Variants in GSK3B observed in about 807,000 individuals in gnomAD.
GSK3B encodes glycogen synthase kinase-3 beta.
Under a neutral mutation model 56.4 loss-of-function variants are expected in GSK3B, and 15 were observed. The observed-to-expected ratio is 0.27, with a 90% CI of 0.18 to 0.41. GSK3B has a LOEUF of 0.41. Among genes scored for constraint, GSK3B ranks in the 10% least tolerant of loss-of-function variants. The pLI is 1.00. For missense variants in GSK3B, 300 were observed against 513.4 expected (o/e 0.58, Z 4.02); for synonymous variants, 181 against 188.9 (o/e 0.96, Z 0.34).
At chr3:119,901,514 G>A (rs1231473743) in intron 7 of GSK3B, among the ~76,000 whole-genome samples, 1 of 152,084 alleles carries the variant, frequency 6.6e-6, no homozygotes, top group African/African-American at 2.4e-5. Flanking sequence ...AACCTTATTA[G>A]AGGGCAGTGA....
intron 1 of GSK3B, among the ~76,000 whole-genome samples, chr3:120,020,089 TATTACAATTTTAA>T (rs2057863077): frequency 6.6e-6 from 1 of 152,232 alleles, no homozygotes; most frequent in Admixed American, 6.5e-5. Flanking sequence ...ATGCCTAAAA[TATTACAATTTTAA>T]CTGTTGCGAA....
intron 2 of GSK3B, among the ~76,000 whole-genome samples, chr3:119,994,520 C>T (rs1043767596): frequency 1.3e-5 from 2 of 151,726 alleles, no homozygotes; most frequent in African/African-American, 2.4e-5. Flanking sequence ...AGAGAAAAAC[C>T]GTAATTCTAC....
chr3:120,014,892 A>G (rs1430512019), intron 1 of GSK3B, among the ~76,000 whole-genome samples: 1 of 152,208 alleles, frequency 6.6e-6, no homozygotes, highest in East Asian at 1.9e-4. Flanking sequence ...AGATGACAGA[A>G]AGACTCCAGA....
chr3:119,925,330 A>C lies in GSK3B; in HGVS notation c.367-1847T>G, dbSNP rs1222513315. On this transcript the variant is annotated intron_variant, in intron 3 of 10. Transcript: ENST00000264235. ...GTGACAGAGCCACACCTTGTCTCAA[A>C]ATCAATTTGTCCAGCAATAATTATA... Among the ~76,000 whole-genome samples the C allele has an allele frequency of 2.6e-5, 4 of 152,154 alleles. No individual in the cohort carries two copies. In the East Asian group the frequency reaches 7.7e-4, roughly 29 times the overall value.
intron 2 of GSK3B, among the ~76,000 whole-genome samples, chr3:119,983,344 CAT>C (rs1317641281): frequency 2.0e-5 from 3 of 152,126 alleles, no homozygotes; most frequent in Non-Finnish European, 4.4e-5. Context: ...GGAACAAATT[CAT>C]ATATAGCAAT....
intron 1 of GSK3B, among the ~76,000 whole-genome samples, chr3:120,021,025 G>A (rs917052814): frequency 4.6e-5 from 7 of 152,258 alleles, no homozygotes; most frequent in South Asian, 2.1e-4. Flanking sequence ...TCTGAAGGCC[G>A]ACAGAAGCCT....
In GSK3B at chr3:120,093,805, A is replaced by G; in HGVS notation, c.-371T>C. 4.5e-6 allele frequency: 1 copy of G among 223,506 alleles called. No homozygotes were observed. Among genetic ancestry groups the G allele is most frequent in the Non-Finnish European group, 8.9e-6 (1 of 112,716 alleles). 13.8% of individuals were successfully genotyped at this position (223,506 alleles called of 1,614,324 possible). On this transcript the variant is annotated 5_prime_UTR_variant, in exon 1 of 11. Transcript: ENST00000264235. Reference sequence around the variant, plus strand: ...TGAAAATGAGTACTTCGAATATTATATTTTCCTCGGGGATTTTTTTTCCGA... The same window carrying G: ...TGAAAATGAGTACTTCGAATATTATGTTTTCCTCGGGGATTTTTTTTCCGA...
rs1187829474 is a variant in GSK3B at position 119,824,298 on chromosome 3, GATCCTTGAGAAAGAAA to G, written c.*2474_*2489del. 1 of 225,104 alleles carries G rather than the reference GATCCTTGAGAAAGAAA, an allele frequency of 4.4e-6. No individual in the cohort carries two copies. The highest frequency in any genetic ancestry group is 2.2e-5 in the African/African-American group (1 of 44,744). 13.9% of individuals were successfully genotyped at this position (225,104 alleles called of 1,614,324 possible). On this transcript the variant is annotated 3_prime_UTR_variant, in exon 11 of 11. Transcript: ENST00000264235. ...TAAAAGAGTTCTGTGATCCCACCATGATCCTTGAGAAAGAAAAATCACACATCTCAGCACACACACA... is the reference window on the plus strand; with the variant it reads ...TAAAAGAGTTCTGTGATCCCACCATGAATCACACATCTCAGCACACACACA...
chr3:119,946,611 C>A (rs1429748033), intron 3 of GSK3B, among the ~76,000 whole-genome samples: 1 of 152,096 alleles, frequency 6.6e-6, no homozygotes, highest in Non-Finnish European at 1.5e-5. Context: ...ATAAAGACAC[C>A]AAGGAAAAAC....
At chr3:119,871,400 T>C (rs2056248916) in intron 8 of GSK3B, among the ~76,000 whole-genome samples, 1 of 152,230 alleles carries the variant, frequency 6.6e-6, no homozygotes, top group South Asian at 2.1e-4. Context: ...GACACTTTAC[T>C]ATTAAGTATT....
intron 9 of GSK3B, among the ~76,000 whole-genome samples, chr3:119,852,243 C>T (rs2055939968): frequency 6.6e-6 from 1 of 152,098 alleles, no homozygotes; most frequent in African/African-American, 2.4e-5. Context: ...TGTCTGAATG[C>T]TTTTATTGAA....
At chr3:119,866,900 T>C (rs1488566438) in intron 8 of GSK3B, among the ~76,000 whole-genome samples, 1 of 151,762 alleles carries the variant, frequency 6.6e-6, no homozygotes, top group Non-Finnish European at 1.5e-5. Context: ...TTTTAGTTTA[T>C]TATGTTCCAA....
chr3:120,047,958 G>A (rs1024567687), intron 1 of GSK3B, among the ~76,000 whole-genome samples: 5 of 152,144 alleles, frequency 3.3e-5, no homozygotes. Flanking sequence ...CCTGTTAAAA[G>A]CAACACCTAG....
At chr3:119,941,327 T>C (rs1361248998) in intron 3 of GSK3B, among the ~76,000 whole-genome samples, 1 of 152,222 alleles carries the variant, frequency 6.6e-6, no homozygotes. Context: ...GTAATACTAC[T>C]ATTAATATTA....
At chr3:119,909,002 C>G (rs2056710130) in intron 6 of GSK3B, among the ~76,000 whole-genome samples, 1 of 152,168 alleles carries the variant, frequency 6.6e-6, no homozygotes, top group Non-Finnish European at 1.5e-5. Context: ...GTCACAAGGT[C>G]TGTTCTATTT....
intron 1 of GSK3B, among the ~76,000 whole-genome samples, chr3:120,006,839 T>A (rs2057732893): frequency 6.6e-6 from 1 of 150,856 alleles, no homozygotes; most frequent in Admixed American, 6.6e-5. Flanking sequence ...CATCCTAACA[T>A]CACAATTAAA....
intron 7 of GSK3B, among the ~76,000 whole-genome samples, chr3:119,896,636 T>C (rs907022590): frequency 2.6e-5 from 4 of 152,170 alleles, no homozygotes; most frequent in African/African-American, 7.2e-5. Context: ...TTCTACAAGA[T>C]TGCTAGTTTC....
At chr3:119,833,525 T>C (rs1310555711) in intron 10 of GSK3B, among the ~76,000 whole-genome samples, 2 of 152,114 alleles carry the variant, frequency 1.3e-5, no homozygotes, top group Non-Finnish European at 2.9e-5. Flanking sequence ...AAAATTCAGT[T>C]CCTTATTTGC....
chr3:119,927,212 TAC>T (rs773592171), intron 3 of GSK3B, among the ~76,000 whole-genome samples: 5 of 152,376 alleles, frequency 3.3e-5, no homozygotes, highest in African/African-American at 9.6e-5. Flanking sequence ...TGTAAATATA[TAC>T]ATTTTTATTT....
Sources: allele counts gnomAD v4.1 joint callset (sites outside exome capture counted in the v4.1 genomes callset), GRCh38; gene constraint gnomAD v4.1.1; transcripts MANE v1.5; gene names NCBI Gene and HGNC (gene_info 2026-07-23, HGNC 2026-07-21).